Variants in CSMD1 observed in about 807,000 individuals in gnomAD.
The protein encoded by CSMD1 is CUB and Sushi multiple domains 1.
A neutral mutation model predicts 417.5 loss-of-function variants in CSMD1; 213 were observed. That is an observed-to-expected ratio of 0.51 (90% CI 0.46 to 0.57). CSMD1 has a LOEUF of 0.57. CSMD1 is among the 20% of genes least tolerant of loss of function. The pLI is 0.00. For synonymous variants in CSMD1, 2,862 were observed against 1,736.8 expected, an observed-to-expected ratio of 1.65 and a Z score of -16.11; for missense variants, 6,923 against 4,529.7, an observed-to-expected ratio of 1.53 and a Z score of -15.17.
intron 2 of CSMD1, among the ~76,000 whole-genome samples, chr8:4,450,403 G>A (rs184649549): frequency 1.1e-4 from 16 of 152,216 alleles, no homozygotes; most frequent in African/African-American, 2.2e-4. Flanking sequence ...TGAGGCAGGC[G>A]GATCAGCAGG....
At chr8:4,211,052 C>G (rs1409203738) in intron 3 of CSMD1, among the ~76,000 whole-genome samples, 1 of 152,126 alleles carries the variant, frequency 6.6e-6, no homozygotes, top group Admixed American at 6.5e-5. Flanking sequence ...AACACATTTC[C>G]TTCCTTAAGA....
rs775541833 is a variant in CSMD1, at chr8:3,223,871, T to C, written c.4346-4A>G. On this transcript the variant is annotated splice_polypyrimidine_tract_variant and splice_region_variant and intron_variant, in intron 27 of 69. Coordinates refer to ENST00000635120, the MANE Select transcript of CSMD1 (RefSeq NM_033225.6). ...GTCAGATTCCCTCCACAAGCAGCTG[T>C]CACAGAACAAAAGTTACAGAGAAAA... 3 of 1,613,482 alleles carry C rather than the reference T, an allele frequency of 1.9e-6. No homozygotes were observed. The highest frequency in any genetic ancestry group is 2.5e-6 in the Non-Finnish European group (3 of 1,179,664).
chr8:4,881,451 C>CTATG lies in CSMD1; in HGVS notation c.85+112880_85+112881insCATA, dbSNP rs1306873319. Among the ~76,000 whole-genome samples the CTATG allele has an allele frequency of 5.5e-3, 268 of 48,610 alleles. 3 individuals are homozygous for CTATG. The highest frequency in any genetic ancestry group is 0.01 in the African/African-American group (250 of 24,442). The allele number at this position is 48,610 out of a possible 152,430, so 31.9% of individuals were successfully genotyped here. On this transcript the variant is annotated intron_variant, in intron 1 of 69. Transcript: ENST00000635120. ...TCTATCTATCTATCTATCTATCTAT[C>CTATG]TATCTATCTATCTTGTCTCCCTACA...
intron 17 of CSMD1, among the ~76,000 whole-genome samples, chr8:3,394,275 T>C (rs1811552596): frequency 6.8e-6 from 1 of 147,314 alleles, no homozygotes; most frequent in East Asian, 2.0e-4. Context: ...GTATTCCATA[T>C]TTTATAATAA....
intron 1 of CSMD1, among the ~76,000 whole-genome samples, chr8:4,642,592 C>G (rs1174812038): frequency 6.6e-6 from 1 of 152,142 alleles, no homozygotes; most frequent in Non-Finnish European, 1.5e-5. Flanking sequence ...TGTGCTGTTT[C>G]TCTCAGTCCT....
chr8:3,378,389 C>A (rs765622133), intron 18 of CSMD1, among the ~76,000 whole-genome samples: 1 of 152,180 alleles, frequency 6.6e-6, no homozygotes, highest in Non-Finnish European at 1.5e-5. Flanking sequence ...TCCTCCCTAA[C>A]TCATTTTATG....
chr8:3,574,213 C>A (rs1258253846), intron 10 of CSMD1, among the ~76,000 whole-genome samples: 1 of 152,130 alleles, frequency 6.6e-6, no homozygotes, highest in Admixed American at 6.5e-5. Context: ...AACACATGAA[C>A]TGTAGAAAAC....
intron 1 of CSMD1, among the ~76,000 whole-genome samples, chr8:4,781,884 C>T (rs991923332): frequency 6.6e-6 from 1 of 152,166 alleles, no homozygotes; most frequent in East Asian, 1.9e-4. Context: ...CATGGAGTGA[C>T]TTATACCACA....
At chr8:3,378,113 A>C (rs1810424383) in intron 18 of CSMD1, among the ~76,000 whole-genome samples, 1 of 152,176 alleles carries the variant, frequency 6.6e-6, no homozygotes, top group African/African-American at 2.4e-5. Context: ...GATTGTTGGT[A>C]AGAAGAGAGG....
At chr8:4,271,118 T>C (rs962888851) in intron 3 of CSMD1, among the ~76,000 whole-genome samples, 1 of 152,220 alleles carries the variant, frequency 6.6e-6, no homozygotes, top group Non-Finnish European at 1.5e-5. Flanking sequence ...TATTTCCTCA[T>C]TCTGCCTGGA....
chr8:4,229,684 C>T (rs938900808), intron 3 of CSMD1, among the ~76,000 whole-genome samples: 3 of 152,172 alleles, frequency 2.0e-5, no homozygotes, highest in Non-Finnish European at 2.9e-5. Context: ...TTCTCACCAT[C>T]TGATGTACAG....
chr8:3,158,077 T>C (rs1047848781), intron 38 of CSMD1, 111 bp from the exon 39 acceptor site: 1 of 898,338 alleles, frequency 1.1e-6, no homozygotes, highest in South Asian at 1.7e-5. Flanking sequence ...TTATAAATAT[T>C]TGAAAATTCA....
chr8:4,318,025 C>G (rs10094777), intron 3 of CSMD1, among the ~76,000 whole-genome samples: 107,294 of 152,044 alleles, frequency 0.71, 41,671 homozygotes, highest in East Asian at 0.98. Flanking sequence ...AGGAGTAATT[C>G]TATTAGCAAT....
intron 6 of CSMD1, among the ~76,000 whole-genome samples, chr8:3,734,899 G>T (rs2623700): frequency 1.3e-5 from 2 of 152,114 alleles, no homozygotes; most frequent in Non-Finnish European, 2.9e-5. Flanking sequence ...GCAATTTTCC[G>T]TTTCCAGTTA....
At chr8:4,446,287 C>A (rs1230913203) in intron 2 of CSMD1, among the ~76,000 whole-genome samples, 1 of 152,172 alleles carries the variant, frequency 6.6e-6, no homozygotes, top group Non-Finnish European at 1.5e-5. Flanking sequence ...GTGGCTCATG[C>A]CCGTAATCCT....
chr8:3,693,178 G>A (rs1212834060), intron 7 of CSMD1, among the ~76,000 whole-genome samples: 3 of 152,126 alleles, frequency 2.0e-5, no homozygotes, highest in Non-Finnish European at 4.4e-5. Flanking sequence ...AGTAAAATTG[G>A]TCAGGAGTCA....
chr8:3,864,349 A>G lies in CSMD1; in HGVS notation c.819-110307T>C, dbSNP rs187252680. 2.2e-3 allele frequency among the ~76,000 whole-genome samples: 264 copies of G among 118,336 alleles called. 2 individuals are homozygous for G. Among genetic ancestry groups the G allele is most frequent in the African/African-American group, 0.012 (249 of 20,738 alleles). 77.6% of individuals were successfully genotyped at this position (118,336 alleles called of 152,430 possible). On this transcript the variant is annotated intron_variant, in intron 5 of 69. Transcript: ENST00000635120. ...TATGGTTATGAAAGACGATGCATAG[A>G]TAACCACAGAAGGGGCAGGTATATA...
intron 26 of CSMD1, among the ~76,000 whole-genome samples, chr8:3,252,914 T>C (rs938247451): frequency 1.3e-5 from 2 of 152,194 alleles, no homozygotes; most frequent in African/African-American, 4.8e-5. Flanking sequence ...TGATATTACC[T>C]TTATCATTTT....
intron 3 of CSMD1, among the ~76,000 whole-genome samples, chr8:4,116,368 G>A (rs1802147058): frequency 6.6e-6 from 1 of 152,118 alleles, no homozygotes; most frequent in South Asian, 2.1e-4. Flanking sequence ...TTATACACTT[G>A]TCCAAACCCA....
Sources: gnomAD v4.1 joint callset for allele counts (sites outside exome capture counted in the v4.1 genomes callset) on GRCh38, gnomAD v4.1.1 for gene constraint, MANE v1.5 for transcripts, NCBI Gene and HGNC (gene_info 2026-07-23, HGNC 2026-07-21) for gene names.